CSNK1G3: variants seen among roughly 807,000 people sequenced by gnomAD.
The protein encoded by CSNK1G3 is casein kinase I isoform gamma-3.
In CSNK1G3, 23 loss-of-function variants were observed where a neutral mutation model predicts 64.3. The ratio of observed to expected loss-of-function variants is 0.36; its 90% confidence interval spans 0.26 to 0.51. The LOEUF (loss-of-function observed/expected upper bound fraction) is 0.51. Ranked by LOEUF, CSNK1G3 falls within the 20% of genes least tolerant of loss-of-function variation. CSNK1G3 has a pLI of 0.96. For synonymous variants in CSNK1G3, 158 were observed against 162.2 expected (o/e 0.97, Z 0.20); for missense variants, 357 against 510.5 (o/e 0.70, Z 2.90).
chr5:123,522,553 T>C (rs142569556), intron 1 of CSNK1G3, among the ~76,000 whole-genome samples: 1 of 151,366 alleles, frequency 6.6e-6, no homozygotes, highest in Non-Finnish European at 1.5e-5. Context: ...GTACCTGACA[T>C]AAAATGGCAC....
At chr5:123,530,186 C>T in intron 1 of CSNK1G3, among the ~76,000 whole-genome samples, 1 of 151,842 alleles carries the variant, frequency 6.6e-6, no homozygotes, top group East Asian at 1.9e-4. Context: ...TGTAAATTCA[C>T]TTGTGAAATT....
intron 4 of CSNK1G3, among the ~76,000 whole-genome samples, chr5:123,573,027 G>C (rs1788437310): frequency 6.6e-6 from 1 of 152,178 alleles, no homozygotes; most frequent in South Asian, 2.1e-4. Context: ...AGCCAGTAGT[G>C]ACTCTCTTTT....
rs183200610 is a variant in CSNK1G3 at position 123,552,799 on chromosome 5, T to C, written c.179-308T>C. Among the ~76,000 whole-genome samples the C allele has an allele frequency of 2.2e-4, 34 of 152,320 alleles. No individual in the cohort carries two copies. In the East Asian group the frequency reaches 4.8e-3, roughly 22 times the overall value. On this transcript the variant is annotated intron_variant, in intron 2 of 12. Coordinates refer to ENST00000345990, the Ensembl canonical transcript of CSNK1G3. ...CGTTTTGAAATTTTTTGACCATGCA[T>C]TTGACTATTGATTACTTTTAAATTG... is the stretch of plus-strand genomic sequence containing the variant.
intron 6 of CSNK1G3, among the ~76,000 whole-genome samples, chr5:123,576,879 G>A (rs1167601248): frequency 6.6e-6 from 1 of 152,000 alleles, no homozygotes; most frequent in African/African-American, 2.4e-5. Context: ...ATCCATTGAT[G>A]ATTTTCTAAC....
At chr5:123,602,312 A>G (rs539522778) in intron 10 of CSNK1G3, among the ~76,000 whole-genome samples, 146 of 152,312 alleles carry the variant, frequency 9.6e-4, no homozygotes, top group African/African-American at 2.8e-3. Context: ...ATTTGTAGAT[A>G]TTAATACTTT....
At chr5:123,576,417 GC>G (rs543546948) in intron 6 of CSNK1G3, among the ~76,000 whole-genome samples, 9 of 152,100 alleles carry the variant, frequency 5.9e-5, no homozygotes, top group Admixed American at 1.3e-4. Context: ...GGCAGAGCTG[GC>G]TTACCTGTAT....
chr5:123,545,534 C>T, exon 2 of CSNK1G3: 1 of 672,814 alleles, frequency 1.5e-6, no homozygotes, highest in Non-Finnish European at 2.4e-6. Flanking sequence ...AATTGACTAC[C>T]TACTGCAATT....
chr5:123,591,461 C>A lies in CSNK1G3; in HGVS notation c.1086+47C>A, dbSNP rs1561590480. 3.2e-6 allele frequency: 4 copies of A among 1,254,584 alleles called. No homozygotes were observed. The African/African-American group carries it at 4.6e-5, about 14-fold the overall frequency. 77.7% of individuals were successfully genotyped at this position (1,254,584 alleles called of 1,614,324 possible). ...AAATACCTTCCTTTCATGATTGAAA[C>A]ATACACTTTTTTCTTCAATAGATAA... On this transcript the variant is annotated intron_variant, in intron 10 of 12. Coordinates refer to ENST00000345990, the Ensembl canonical transcript of CSNK1G3.
At chr5:123,584,294 AT>A (rs1439351279) in intron 6 of CSNK1G3, among the ~76,000 whole-genome samples, 18 of 151,748 alleles carry the variant, frequency 1.2e-4, no homozygotes, top group African/African-American at 4.4e-4. Flanking sequence ...GTTAGTTGAC[AT>A]TTTTCGTAGT....
At chr5:123,597,338 A>G (rs945642620) in intron 10 of CSNK1G3, among the ~76,000 whole-genome samples, 4 of 152,106 alleles carry the variant, frequency 2.6e-5, no homozygotes, top group African/African-American at 9.7e-5. Context: ...TATGTCATCA[A>G]ATAGTTTTTT....
At chr5:123,604,755 C>G in exon 11 of CSNK1G3, 1 of 1,611,532 alleles carries the variant, frequency 6.2e-7, no homozygotes, top group Non-Finnish European at 8.5e-7. Context: ...GAGTTAAACA[C>G]AGATGACCCC....
At position 123,576,619 on chromosome 5, in the gene CSNK1G3, T is replaced by C. The variant is rs140294038; in HGVS notation, c.673+656T>C. On this transcript the variant is annotated intron_variant, in intron 6 of 12. Coordinates refer to ENST00000345990, the Ensembl canonical transcript of CSNK1G3. ...CGTTCGTTATGGCTCATGACCTTAATATTTTTTAGGAGCACAGGCTATTTT... is the reference window on the plus strand; with the variant it reads ...CGTTCGTTATGGCTCATGACCTTAACATTTTTTAGGAGCACAGGCTATTTT... Among the ~76,000 whole-genome samples the C allele has an allele frequency of 3.3e-3, 495 of 152,286 alleles. 8 individuals carry two copies. The highest frequency in any genetic ancestry group is 0.011 in the African/African-American group (478 of 41,574).
At chr5:123,531,489 A>G (rs933575470) in intron 1 of CSNK1G3, among the ~76,000 whole-genome samples, 2 of 152,020 alleles carry the variant, frequency 1.3e-5, no homozygotes, top group Admixed American at 1.3e-4. Flanking sequence ...ATTTCTATTC[A>G]TATAATCAGA....
rs533122341 is a variant in CSNK1G3 at position 123,610,849 on chromosome 5, C to A, written c.1218-3493C>A. On this transcript the variant is annotated intron_variant, in intron 12 of 12. Coordinates refer to ENST00000345990, the Ensembl canonical transcript of CSNK1G3. ...AAAAAAAAATTTACCAGCTCGGCGCCTGTAGTCCCAGCTACTCAGGAGGCT... is the reference window on the plus strand; with the variant it reads ...AAAAAAAAATTTACCAGCTCGGCGCATGTAGTCCCAGCTACTCAGGAGGCT... 3.3e-5 allele frequency among the ~76,000 whole-genome samples: 5 copies of A among 152,248 alleles called. No individual in the cohort carries two copies. The South Asian group carries it at 1.0e-3, about 32-fold the overall frequency.
exon 1 of CSNK1G3, chr5:123,512,472 G>T (rs1480462622): frequency 1.3e-5 from 2 of 151,950 alleles, no homozygotes; most frequent in Non-Finnish European, 2.9e-5. Flanking sequence ...CCGCCGGCGG[G>T]TGTGATGTGC....
chr5:123,543,808 T>A (rs1219231808), intron 1 of CSNK1G3, among the ~76,000 whole-genome samples: 1 of 152,168 alleles, frequency 6.6e-6, no homozygotes, highest in Non-Finnish European at 1.5e-5. Context: ...TTCAGTATAG[T>A]TACTCTGTCA....
intron 2 of CSNK1G3, among the ~76,000 whole-genome samples, chr5:123,552,776 T>C (rs1028634265): frequency 6.6e-6 from 1 of 152,172 alleles, no homozygotes; most frequent in African/African-American, 2.4e-5. Context: ...GGAGTTCTCG[T>C]TTTGAAATTT....
chr5:123,525,148 A>G (rs1410104087), intron 1 of CSNK1G3, among the ~76,000 whole-genome samples: 1 of 151,488 alleles, frequency 6.6e-6, no homozygotes, highest in Non-Finnish European at 1.5e-5. Flanking sequence ...CTTGTTTGCC[A>G]TTTGTATTTC....
chr5:123,540,550 A>G (rs1561481931), intron 1 of CSNK1G3, among the ~76,000 whole-genome samples: 2 of 151,606 alleles, frequency 1.3e-5, no homozygotes, highest in Non-Finnish European at 3.0e-5. Context: ...TTTTTTTTCA[A>G]CTCCTGAATT....
Sources: allele counts gnomAD v4.1 joint callset (sites outside exome capture counted in the v4.1 genomes callset), GRCh38; gene constraint gnomAD v4.1.1; transcripts MANE v1.5; gene names NCBI Gene and HGNC (gene_info 2026-07-23, HGNC 2026-07-21).